Variants in PDZRN4 observed in about 807,000 individuals in gnomAD.
The protein encoded by PDZRN4 is PDZ domain-containing RING finger protein 4.
A neutral mutation model predicts 99.0 loss-of-function variants in PDZRN4; 70 were observed. That is an observed-to-expected ratio of 0.71 (90% CI 0.58 to 0.86). PDZRN4 has a LOEUF of 0.86. Ranked by LOEUF, PDZRN4 falls within the 40% of genes least tolerant of loss-of-function variation. The probability of loss-of-function intolerance (pLI) is 0.00; values close to 1 mark genes in which losing one functional copy is unlikely to be tolerated. For synonymous variants in PDZRN4, 551 were observed against 501.6 expected (o/e 1.10, Z -1.32); for missense variants, 1,474 against 1,331.2 (o/e 1.11, Z -1.67).
At chr12:41,562,385 G>C (rs1272249955) in intron 7 of PDZRN4, among the ~76,000 whole-genome samples, 2 of 152,074 alleles carry the variant, frequency 1.3e-5, no homozygotes. Context: ...AACCTCAATA[G>C]TCTACTTCAT....
At chr12:41,469,008 C>CAA (rs11322310) in intron 3 of PDZRN4, among the ~76,000 whole-genome samples, 1 of 141,264 alleles carries the variant, frequency 7.1e-6, no homozygotes, top group African/African-American at 2.6e-5. Context: ...GATTCTGTCT[C>CAA]AAAAAAAAAA....
chr12:41,292,093 G>T (rs12305125), intron 3 of PDZRN4, among the ~76,000 whole-genome samples: 12,155 of 152,214 alleles, frequency 0.08, 632 homozygotes, highest in African/African-American at 0.14. Context: ...TGAGTAGCAG[G>T]CGTTAGAGAA....
chr12:41,279,345 T>C (rs1951369093), intron 3 of PDZRN4, among the ~76,000 whole-genome samples: 1 of 152,202 alleles, frequency 6.6e-6, no homozygotes, highest in African/African-American at 2.4e-5. Context: ...CATCTCAGCT[T>C]TGATTTTGTT....
chr12:41,379,067 T>A (rs1952103181), intron 3 of PDZRN4, among the ~76,000 whole-genome samples: 1 of 152,044 alleles, frequency 6.6e-6, no homozygotes, highest in African/African-American at 2.4e-5. Flanking sequence ...TCATTGTGCC[T>A]TTTTTTATGA....
chr12:41,270,326 C>CTGTG (rs60482879), intron 3 of PDZRN4, among the ~76,000 whole-genome samples: 2,112 of 138,452 alleles, frequency 0.015, 21 homozygotes, highest in Middle Eastern at 0.038. Context: ...GTGTGTGTGT[C>CTGTG]TGTGTGTGTG....
intron 3 of PDZRN4, among the ~76,000 whole-genome samples, chr12:41,338,596 TA>T (rs1391816699): frequency 1.3e-5 from 2 of 151,286 alleles, no homozygotes; most frequent in African/African-American, 4.9e-5. Flanking sequence ...CCCAAATAAA[TA>T]AAATCAGAGA....
chr12:41,459,922 T>C, intron 3 of PDZRN4: 1 of 1,259,464 alleles, frequency 7.9e-7, no homozygotes, highest in Non-Finnish European at 1.0e-6. Context: ...CTGTTTTGAC[T>C]GAAGGAGAAA....
At chr12:41,427,005 A>T (rs1337720393) in intron 3 of PDZRN4, among the ~76,000 whole-genome samples, 1 of 152,204 alleles carries the variant, frequency 6.6e-6, no homozygotes, top group African/African-American at 2.4e-5. Context: ...AGTGCTATGG[A>T]TCTAGAAGCC....
intron 3 of PDZRN4, among the ~76,000 whole-genome samples, chr12:41,427,047 G>C (rs904440174): frequency 6.6e-5 from 10 of 152,172 alleles, no homozygotes; most frequent in Non-Finnish European, 1.5e-4. Flanking sequence ...GAAGTTCTCA[G>C]CAAACATTTG....
chr12:41,384,557 A>G (rs776169259), intron 3 of PDZRN4, among the ~76,000 whole-genome samples: 1 of 152,166 alleles, frequency 6.6e-6, no homozygotes, highest in African/African-American at 2.4e-5. Context: ...AGAGACCCAG[A>G]TGTCCTCCGC....
chr12:41,462,826 T>C (rs2120539545), intron 3 of PDZRN4, among the ~76,000 whole-genome samples: 1 of 152,112 alleles, frequency 6.6e-6, no homozygotes, highest in East Asian at 1.9e-4. Context: ...ATAAGAATTA[T>C]GATAATTCAA....
chr12:41,433,549 G>A (rs1015914370), intron 3 of PDZRN4, among the ~76,000 whole-genome samples: 1 of 152,220 alleles, frequency 6.6e-6, no homozygotes, highest in Non-Finnish European at 1.5e-5. Flanking sequence ...CACATGTCAA[G>A]GTAGGTGGCA....
chr12:41,519,182 T>TG (rs1938451578), intron 5 of PDZRN4, among the ~76,000 whole-genome samples: 1 of 152,012 alleles, frequency 6.6e-6, no homozygotes, highest in Non-Finnish European at 1.5e-5. Context: ...AATCAGGAAA[T>TG]GCCTCCTAAA....
At chr12:41,338,988 G>A (rs896728657) in intron 3 of PDZRN4, among the ~76,000 whole-genome samples, 9 of 151,852 alleles carry the variant, frequency 5.9e-5, no homozygotes, top group Non-Finnish European at 8.8e-5. Context: ...TTGGTAAAAC[G>A]TCAATACTAC....
chr12:41,540,923 T>C (rs982115772), intron 5 of PDZRN4, among the ~76,000 whole-genome samples: 1 of 133,260 alleles, frequency 7.5e-6, no homozygotes, highest in East Asian at 2.0e-4. Context: ...GTTGTTGTTG[T>C]TGTTGTTGTT....
chr12:41,341,456 T>C (rs1951816276), intron 3 of PDZRN4, among the ~76,000 whole-genome samples: 1 of 151,804 alleles, frequency 6.6e-6, no homozygotes, highest in Admixed American at 6.6e-5. Context: ...TAAAGTATCC[T>C]AAAACACTGA....
At chr12:41,383,526 C>T (rs541536728) in intron 3 of PDZRN4, among the ~76,000 whole-genome samples, 1 of 152,192 alleles carries the variant, frequency 6.6e-6, no homozygotes, top group Non-Finnish European at 1.5e-5. Flanking sequence ...TTTCAAAGAA[C>T]TTCAGAGCCC....
At chr12:41,403,303 G>A (rs888854694) in intron 3 of PDZRN4, among the ~76,000 whole-genome samples, 4 of 152,020 alleles carry the variant, frequency 2.6e-5, no homozygotes, top group East Asian at 1.9e-4. Flanking sequence ...CTACCCTCTC[G>A]TATCATAACT....
At chr12:41,404,383 T>A (rs1952327711) in intron 3 of PDZRN4, among the ~76,000 whole-genome samples, 1 of 151,926 alleles carries the variant, frequency 6.6e-6, no homozygotes, top group Non-Finnish European at 1.5e-5. Flanking sequence ...TGAGAGTCAA[T>A]TCAAAAACAC....
Sources: allele counts gnomAD v4.1 joint callset (sites outside exome capture counted in the v4.1 genomes callset), GRCh38; gene constraint gnomAD v4.1.1; transcripts MANE v1.5; gene names NCBI Gene and HGNC (gene_info 2026-07-23, HGNC 2026-07-21).